Variants in NEURL1B observed in about 807,000 individuals in gnomAD.
The protein encoded by NEURL1B is E3 ubiquitin-protein ligase NEURL1B.
NEURL1B carries 13 observed loss-of-function variants against 37.4 expected under a neutral mutation model. That is an observed-to-expected ratio of 0.35 (90% CI 0.23 to 0.55). The LOEUF (loss-of-function observed/expected upper bound fraction) is 0.55, where lower values mean the gene tolerates loss of function less well. Ranked by LOEUF, NEURL1B falls within the 20% of genes least tolerant of loss-of-function variation. The pLI, the probability that NEURL1B is intolerant of heterozygous loss-of-function variation, is 0.89. For missense variants in NEURL1B, 790 were observed against 879.2 expected (o/e 0.90, Z 1.28); for synonymous variants, 432 against 426.6 (o/e 1.01, Z -0.16).
In NEURL1B at chr5:172,647,675, C is replaced by T. The variant is rs1461676827; in HGVS notation, c.31+6238C>T. Among the ~76,000 whole-genome samples, 4 of 152,216 alleles carry T rather than the reference C, an allele frequency of 2.6e-5. No individual in the cohort carries two copies. The highest frequency in any genetic ancestry group is 1.9e-4 in the East Asian group (1 of 5,172). On this transcript the variant is annotated intron_variant, in intron 1 of 4. Transcript: ENST00000369800. The surrounding 1 kb of genome is among the most constrained non-coding windows in gnomAD (Gnocchi z 4.2). The stretch of plus-strand genomic sequence containing the variant: ...AAGATGAATTACTTCTGTCCACAGC[C>T]GCCAAAATGAAGCTGTGCCTAGAGA...
At chr5:172,646,466 G>A (rs944413375) in intron 1 of NEURL1B, among the ~76,000 whole-genome samples, 1 of 152,188 alleles carries the variant, frequency 6.6e-6, no homozygotes, top group African/African-American at 2.4e-5. Flanking sequence ...GTGACCACAA[G>A]CCTCAAACCA....
In NEURL1B at chr5:172,665,812, C is replaced by T. The variant is rs1688338771; in HGVS notation, c.32-3973C>T. Among the ~76,000 whole-genome samples the T allele has an allele frequency of 6.6e-6, 1 of 152,064 alleles. No homozygotes were observed. The highest frequency in any genetic ancestry group is 1.5e-5 in the Non-Finnish European group (1 of 68,012). ...TCCCAGCCCCTAACTGAGTCCAGGG[C>T]CTCCTCCAGGCCCCTAGTCCCCCCG... On this transcript the variant is annotated intron_variant, in intron 1 of 4. Coordinates refer to ENST00000369800, the MANE Select transcript of NEURL1B (RefSeq NM_001142651.3). This position sits in a 1 kb window ranked among gnomAD's most constrained non-coding sequence, Gnocchi z 4.1.
chr5:172,648,058 C>T (rs1757592396), intron 1 of NEURL1B, among the ~76,000 whole-genome samples: 1 of 152,198 alleles, frequency 6.6e-6, no homozygotes. Context: ...GTCTGTCCTG[C>T]AGGTGAGAAG....
At chr5:172,670,596 C>T (rs562369531) in intron 2 of NEURL1B, among the ~76,000 whole-genome samples, 1 of 152,350 alleles carries the variant, frequency 6.6e-6, no homozygotes, top group East Asian at 1.9e-4. Context: ...CATGCTCTGG[C>T]CCAGGTTCAT....
At chr5:172,677,803 G>A (rs1349479823) in intron 2 of NEURL1B, among the ~76,000 whole-genome samples, 7 of 152,090 alleles carry the variant, frequency 4.6e-5, no homozygotes, top group African/African-American at 7.2e-5. Context: ...GAAGAGCCCC[G>A]GTGGCGTCCG....
intron 1 of NEURL1B, among the ~76,000 whole-genome samples, chr5:172,658,108 T>C (rs1253230300): frequency 6.6e-6 from 1 of 152,106 alleles, no homozygotes; most frequent in Non-Finnish European, 1.5e-5. Flanking sequence ...TTGTATGCAA[T>C]AAATATCAGT....
chr5:172,658,881 C>T (rs1757842159), intron 1 of NEURL1B, among the ~76,000 whole-genome samples: 1 of 152,296 alleles, frequency 6.6e-6, no homozygotes, highest in East Asian at 1.9e-4. Flanking sequence ...CTCAGGGACA[C>T]TCAGCCCTGG....
chr5:172,675,834 A>C lies in NEURL1B; in HGVS notation c.577+5504A>C, dbSNP rs1212549207. 2.0e-5 allele frequency among the ~76,000 whole-genome samples: 3 copies of C among 152,234 alleles called. No individual in the cohort carries two copies. The highest frequency in any genetic ancestry group is 1.3e-4 in the Admixed American group (2 of 15,284). On this transcript the variant is annotated intron_variant, in intron 2 of 4. Coordinates refer to ENST00000369800, the MANE Select transcript of NEURL1B (RefSeq NM_001142651.3). This position sits in a 1 kb window ranked among gnomAD's most constrained non-coding sequence, Gnocchi z 4.7. Reference sequence around the variant, plus strand: ...TAGTGTTTTTTCATGTTTTGTGCCCAAAAACTTCAGAGTTTGTAGCATTTC... The same window carrying C: ...TAGTGTTTTTTCATGTTTTGTGCCCCAAAACTTCAGAGTTTGTAGCATTTC...
rs1456283446 is a variant in NEURL1B, at chr5:172,661,502, C to G, written c.32-8283C>G. Among the ~76,000 whole-genome samples the G allele has an allele frequency of 6.6e-6, 1 of 152,220 alleles. No individual in the cohort carries two copies. Among genetic ancestry groups the G allele is most frequent in the Non-Finnish European group, 1.5e-5 (1 of 68,032 alleles). ...CCTCTCAGACCCTCAGTTTCCTCATCTGGGAAATCAAGGTGGTAAAACCCA... is the reference window on the plus strand; with the variant it reads ...CCTCTCAGACCCTCAGTTTCCTCATGTGGGAAATCAAGGTGGTAAAACCCA... On this transcript the variant is annotated intron_variant, in intron 1 of 4. Coordinates refer to ENST00000369800, the MANE Select transcript of NEURL1B (RefSeq NM_001142651.3). The surrounding 1 kb of genome is among the most constrained non-coding windows in gnomAD (Gnocchi z 4.0).
At chr5:172,677,114 G>A (rs1758246553) in intron 2 of NEURL1B, among the ~76,000 whole-genome samples, 2 of 152,082 alleles carry the variant, frequency 1.3e-5, no homozygotes, top group African/African-American at 4.8e-5. Context: ...CACACCTTGG[G>A]CCGGGAGGAA....
chr5:172,678,771 G>C (rs1758288673), intron 2 of NEURL1B, among the ~76,000 whole-genome samples: 1 of 152,210 alleles, frequency 6.6e-6, no homozygotes, highest in South Asian at 2.1e-4. Context: ...CTAGTACATG[G>C]CCCGAGTCAG....
chr5:172,666,654 G>T (rs1330847376), intron 1 of NEURL1B, among the ~76,000 whole-genome samples: 1 of 152,184 alleles, frequency 6.6e-6, no homozygotes, highest in African/African-American at 2.4e-5. Flanking sequence ...GATGGATACT[G>T]GGCAGGCAGA....
chr5:172,683,864 C>A lies in NEURL1B; in HGVS notation c.1023C>A (p.Gly341=). The A allele has an allele frequency of 7.2e-7, 1 of 1,386,092 alleles. No individual in the cohort carries two copies. The highest frequency in any genetic ancestry group is 9.4e-7 in the Non-Finnish European group (1 of 1,065,156). 85.9% of individuals were successfully genotyped at this position (1,386,092 alleles called of 1,614,324 possible). A position where few individuals can be genotyped will look rare whatever the true frequency, so the allele number is the denominator to read the frequency against. Residue 341 remains glycine (G), a synonymous_variant, in exon 3 of 5, where the codon GGC becomes GGA. Coordinates refer to ENST00000369800, the MANE Select transcript of NEURL1B (RefSeq NM_001142651.3). This position sits in a 1 kb window ranked among gnomAD's most constrained non-coding sequence, Gnocchi z 5.6. ...GLAAPGALAF[G]ITSCDPGVLR... ...CGGCGCCCGGCGCGCTGGCCTTCGG[C>A]ATCACGTCGTGCGACCCGGGCGTGC...
rs570920231 is a variant in NEURL1B at position 172,660,788 on chromosome 5, C to T, written c.32-8997C>T. On this transcript the variant is annotated intron_variant, in intron 1 of 4. Transcript: ENST00000369800. ...CCAAGTAGCTGGGATTACAGATGCC[C>T]GCCACTACACCCGACTAATGTTTGT... 4.6e-5 allele frequency among the ~76,000 whole-genome samples: 7 copies of T among 152,244 alleles called. No homozygotes were observed. In the East Asian group the frequency reaches 9.7e-4, roughly 21 times the overall value.
chr5:172,646,152 GGTGTTATGGTGT>G (rs1276482046), intron 1 of NEURL1B, among the ~76,000 whole-genome samples: 2 of 152,188 alleles, frequency 1.3e-5, no homozygotes, highest in African/African-American at 4.8e-5. Context: ...GTGCAAGGCT[GGTGTTATGGTGT>G]TAGACTCAGA....
intron 1 of NEURL1B, among the ~76,000 whole-genome samples, chr5:172,656,312 A>C (rs776174565): frequency 1.3e-5 from 2 of 152,192 alleles, no homozygotes; most frequent in Non-Finnish European, 2.9e-5. Context: ...TGGAGGAGAT[A>C]ATCGAAAAAG....
chr5:172,641,558 A>T lies in NEURL1B; in HGVS notation c.31+121A>T. 1.2e-6 allele frequency: 1 copy of T among 865,420 alleles called. No homozygotes were observed. 53.6% of individuals were successfully genotyped at this position (865,420 alleles called of 1,614,324 possible). ...GAGCCCTCGGCTCGCAGCGGGCTGG[A>T]GTCTCCGGTACCTCCCGGACCTCAG... On this transcript the variant is annotated intron_variant, in intron 1 of 4. Transcript: ENST00000369800. The surrounding 1 kb of genome is among the most constrained non-coding windows in gnomAD (Gnocchi z 6.4).
intron 2 of NEURL1B, among the ~76,000 whole-genome samples, chr5:172,681,311 C>T (rs1581438385): frequency 6.6e-6 from 1 of 152,220 alleles, no homozygotes; most frequent in East Asian, 1.9e-4. Flanking sequence ...TTCATGATCT[C>T]ACCCCAAGAG....
At chr5:172,677,277 G>T (rs978582809) in intron 2 of NEURL1B, among the ~76,000 whole-genome samples, 2 of 152,172 alleles carry the variant, frequency 1.3e-5, no homozygotes, top group African/African-American at 4.8e-5. Flanking sequence ...TGTCCTGAAG[G>T]GTTGTCCTTT....
Sources: allele counts gnomAD v4.1 joint callset (sites outside exome capture counted in the v4.1 genomes callset), GRCh38; gene constraint gnomAD v4.1.1; non-coding constraint Gnocchi (gnomAD v3.1); transcripts MANE v1.5; gene names NCBI Gene and HGNC (gene_info 2026-07-23, HGNC 2026-07-21).